FBXO41: variants seen among roughly 807,000 people sequenced by gnomAD.
FBXO41 encodes the protein F-box protein 41.
Under a neutral mutation model 81.6 loss-of-function variants are expected in FBXO41, and 33 were observed. The ratio of observed to expected loss-of-function variants is 0.40; its 90% CI spans 0.31 to 0.54. The LOEUF (loss-of-function observed/expected upper bound fraction) is 0.54, where lower values mean the gene tolerates loss of function less well. FBXO41 is among the 20% of genes least tolerant of loss of function. The probability of loss-of-function intolerance (pLI) is 0.39; values close to 1 mark genes in which losing one functional copy is unlikely to be tolerated. For missense variants in FBXO41, 1,107 were observed against 1,236.0 expected (o/e 0.90, Z 1.56); for synonymous variants, 576 against 552.7 (o/e 1.04, Z -0.59).
rs747052690 is a variant in FBXO41 at position 73,264,423 on chromosome 2, C to T, written c.1661G>A (p.Arg554Gln). The T allele has an allele frequency of 2.1e-5, 34 of 1,613,832 alleles. No homozygotes were observed. Among genetic ancestry groups the T allele is most frequent in the East Asian group, 1.3e-4 (6 of 44,904 alleles). ...EVISPEILKM[R>Q]AALFCIFTYL... The stretch of plus-strand genomic sequence containing the variant: ...GGTGAAGATGCAGAAGAGGGCAGCT[C>T]GCATCTTCAGGATCTCTGGGCTGAT... Residue 554 changes from arginine to glutamine, a missense_variant, in exon 6 of 13, where the codon CGA becomes CAA. Physicochemically the swap from Arg to Gln is conservative, Grantham distance 43. This residue lies in a region of FBXO41 where 336 missense variants were observed against 446.7 expected (regional missense o/e 0.75). Transcript: ENST00000520530.
Position 73,269,447 on chromosome 2 carries a change from AGGCAGC to A in FBXO41, c.178_183del (p.Ala60_Ala61del). 1 of 1,308,546 alleles carries A rather than the reference AGGCAGC, an allele frequency of 7.6e-7. No individual in the cohort carries two copies. Among genetic ancestry groups the A allele is most frequent in the Non-Finnish European group, 9.7e-7 (1 of 1,032,504 alleles). 81.1% of individuals were successfully genotyped at this position (1,308,546 alleles called of 1,614,324 possible). A position where few individuals can be genotyped will look rare whatever the true frequency, so the allele number is the denominator to read the frequency against. Reference sequence around the variant, plus strand: ...GGCTCGGGAGCCAGCGGGAACCCCGAGGCAGCGGCGGCGGCGGCCGCGGCGGCGGCG... The same window carrying A: ...GGCTCGGGAGCCAGCGGGAACCCCGAGGCGGCGGCGGCCGCGGCGGCGGCG... On this transcript the variant is annotated inframe_deletion, in exon 2 of 13. Coordinates refer to ENST00000520530, the MANE Select transcript of FBXO41 (RefSeq NM_001371389.2). The surrounding 1 kb of genome is among the most constrained non-coding windows in gnomAD (Gnocchi z 7.0).
In FBXO41 at chr2:73,259,121, C is replaced by T; in HGVS notation, c.2565+60G>A. 6.2e-7 allele frequency: 1 copy of T among 1,610,918 alleles called. No homozygotes were observed. ...CCTCCTGCCACACTCACCCAGGTCA[C>T]CAGCCCCAGTCTAGGGATGCCACTT... On this transcript the variant is annotated intron_variant, in intron 12 of 12. Transcript: ENST00000520530. This position sits in a 1 kb window ranked among gnomAD's most constrained non-coding sequence, Gnocchi z 4.2.
chr2:73,257,586 G>A lies in FBXO41; in HGVS notation c.*1396C>T, dbSNP rs1459151696. On this transcript the variant is annotated 3_prime_UTR_variant, in exon 13 of 13. Coordinates refer to ENST00000520530, the MANE Select transcript of FBXO41 (RefSeq NM_001371389.2). The surrounding 1 kb of genome is among the most constrained non-coding windows in gnomAD (Gnocchi z 4.6). ...TAGGAGAGAAAGAAACCCTAAGATA[G>A]ATCTAGTTTAGATGTTCGAAAGAAC... 1 of 152,264 alleles carries A rather than the reference G, an allele frequency of 6.6e-6. No individual in the cohort carries two copies. The highest frequency in any genetic ancestry group is 6.5e-5 in the Admixed American group (1 of 15,280). 9.4% of individuals were successfully genotyped at this position (152,264 alleles called of 1,614,324 possible). A position where few individuals can be genotyped will look rare whatever the true frequency, so the allele number is the denominator to read the frequency against.
rs1553384777 is a variant in FBXO41, at chr2:73,271,631, C to CCCCA, written c.-138-1867_-138-1864dup. 2.7e-5 allele frequency: 4 copies of CCCCA among 147,612 alleles called. No individual in the cohort carries two copies. In the East Asian group the frequency reaches 6.4e-4, roughly 24 times the overall value. The allele number at this position is 147,612 out of a possible 1,614,324, so 9.1% of individuals were successfully genotyped here. ...GCCAATCAATTCTGCACTCCCCCCC[C>CCCCA]CCCAACTTCTTTTTTTTGAGATGGA... On this transcript the variant is annotated intron_variant, in intron 1 of 12. Transcript: ENST00000520530.
Position 73,260,715 on chromosome 2 carries a change from C to T in FBXO41, c.2290+25G>A. The T allele has an allele frequency of 2.0e-6, 3 of 1,525,476 alleles. No individual in the cohort carries two copies. Among genetic ancestry groups the T allele is most frequent in the South Asian group, 1.2e-5 (1 of 81,048 alleles). The allele number at this position is 1,525,476 out of a possible 1,614,324, so 94.5% of individuals were successfully genotyped here. A position where few individuals can be genotyped will look rare whatever the true frequency, so the allele number is the denominator to read the frequency against. Reference sequence around the variant, plus strand: ...CCCATGCCTGCTTCCCACTACCCACCACCCCAGTCCAAGGAAAGACTCACC... The same window carrying T: ...CCCATGCCTGCTTCCCACTACCCACTACCCCAGTCCAAGGAAAGACTCACC... On this transcript the variant is annotated intron_variant, in intron 10 of 12. Transcript: ENST00000520530. The surrounding 1 kb of genome is among the most constrained non-coding windows in gnomAD (Gnocchi z 5.0).
chr2:73,271,181 G>T lies in FBXO41; in HGVS notation c.-138-1413C>A, dbSNP rs966044030. 10 of 332,994 alleles carry T rather than the reference G, an allele frequency of 3.0e-5. No homozygotes were observed. In the Admixed American group the frequency reaches 3.6e-4, roughly 12 times the overall value. 20.6% of individuals were successfully genotyped at this position (332,994 alleles called of 1,614,324 possible). On this transcript the variant is annotated intron_variant, in intron 1 of 12. Coordinates refer to ENST00000520530, the MANE Select transcript of FBXO41 (RefSeq NM_001371389.2). Reference sequence around the variant, plus strand: ...CCATCCTGACCTGCCGCATAGTTGTGTTGCCTTCTGGCATTTCCACAGGAT... The same window carrying T: ...CCATCCTGACCTGCCGCATAGTTGTTTTGCCTTCTGGCATTTCCACAGGAT...
chr2:73,262,906 C>T (rs140713639), intron 9 of FBXO41, among the ~76,000 whole-genome samples: 7,283 of 152,198 alleles, frequency 0.048, 241 homozygotes, highest in South Asian at 0.089. Context: ...CCACCACGCT[C>T]GGCTAATTTT....
At position 73,260,546 on chromosome 2, in the gene FBXO41, C is replaced by G; in HGVS notation, c.2292G>C (p.Ala764=). The part of the protein sequence containing the change: ...GCGVQGLASL[A]RNCMRLQVLE... ...GGACCTGCAGCCGCATGCAGTTTCT[C>G]GCTAGGAAGAGGAAGAAGGGGGATC... The change falls in exon 11 of 13, where the codon GCG becomes GCC. Residue 764 remains alanine, a splice_region_variant and synonymous_variant. Transcript: ENST00000520530. The surrounding 1 kb of genome is among the most constrained non-coding windows in gnomAD (Gnocchi z 5.0). The G allele has an allele frequency of 6.3e-7, 1 of 1,588,210 alleles. No individual in the cohort carries two copies. The highest frequency in any genetic ancestry group is 8.6e-7 in the Non-Finnish European group (1 of 1,167,584).
intron 9 of FBXO41, among the ~76,000 whole-genome samples, chr2:73,261,837 G>A (rs1222997467): frequency 6.6e-6 from 1 of 152,128 alleles, no homozygotes; most frequent in East Asian, 1.9e-4. Context: ...CATCTATTAT[G>A]CATTTGGTAC....
At chr2:73,262,084 A>G (rs895377031) in intron 9 of FBXO41, among the ~76,000 whole-genome samples, 8 of 152,132 alleles carry the variant, frequency 5.3e-5, no homozygotes, top group Admixed American at 4.6e-4. Flanking sequence ...TTAGCTGGGC[A>G]TGGTGGCCCA....
chr2:73,265,918 G>A lies in FBXO41; in HGVS notation c.1180C>T (p.Arg394Trp), dbSNP rs372703017. Residue 394 changes from arginine (R) to tryptophan (W), a missense_variant, in exon 4 of 13, where the codon CGG (arginine) becomes TGG (tryptophan). By Grantham distance (101) the Arg-to-Trp change is moderately radical (BLOSUM62 -3). Transcript: ENST00000520530. ...CCTGTGCTCGGAGAGGAGCCATGCC[G>A]TGACACTGCATATGTGTTAGGCACG... ...PAVPNTYAVS[R>W]HGSSPSTGAS... The A allele has an allele frequency of 2.4e-4, 382 of 1,587,640 alleles. No individual in the cohort carries two copies. The highest frequency in any genetic ancestry group is 4.8e-4 in the Admixed American group (27 of 56,326).
At chr2:73,263,531 G>A in intron 8 of FBXO41, 147 bp downstream of exon 8, 1 of 1,046,000 alleles carries the variant, frequency 9.6e-7, no homozygotes, top group South Asian at 1.7e-5. Context: ...GGTGGCCTCT[G>A]CTCTTGCCAA....
intron 1 of FBXO41, among the ~76,000 whole-genome samples, chr2:73,283,894 C>T (rs1170750181): frequency 2.0e-5 from 3 of 152,108 alleles, no homozygotes; most frequent in Admixed American, 6.5e-5. Flanking sequence ...CTGGAGCCCG[C>T]CCCCGCCCCA....
intron 1 of FBXO41, among the ~76,000 whole-genome samples, chr2:73,279,979 T>C (rs1688800404): frequency 6.6e-6 from 1 of 152,188 alleles, no homozygotes; most frequent in South Asian, 2.1e-4. Context: ...TATTTCAATG[T>C]TGGCGGCTCA....
intron 1 of FBXO41, among the ~76,000 whole-genome samples, chr2:73,279,955 G>T (rs1688799671): frequency 6.6e-6 from 1 of 152,090 alleles, no homozygotes; most frequent in Non-Finnish European, 1.5e-5. Context: ...ACAGGGAGAG[G>T]ATGAAAAGGG....
intron 1 of FBXO41, among the ~76,000 whole-genome samples, chr2:73,282,213 C>T (rs951263230): frequency 2.0e-5 from 3 of 152,064 alleles, no homozygotes; most frequent in African/African-American, 7.2e-5. Flanking sequence ...AGGCTGGTCT[C>T]GAACTCCTGA....
rs1341729357 is a variant in FBXO41 at position 73,258,723 on chromosome 2, C to T, written c.*259G>A. 1 of 457,322 alleles carries T rather than the reference C, an allele frequency of 2.2e-6. No individual in the cohort carries two copies. Among genetic ancestry groups the T allele is most frequent in the Non-Finnish European group, 3.9e-6 (1 of 259,228 alleles). The allele number at this position is 457,322 out of a possible 1,614,324, so 28.3% of individuals were successfully genotyped here. On this transcript the variant is annotated 3_prime_UTR_variant, in exon 13 of 13. Transcript: ENST00000520530. ...GGTGACAGCTCCTCACTGGCTGTGC[C>T]AGAGGCTACTCCAGCCGGGGTAGGG... is the stretch of plus-strand genomic sequence containing the variant.
chr2:73,283,538 C>A (rs550627365), intron 1 of FBXO41, among the ~76,000 whole-genome samples: 1 of 152,332 alleles, frequency 6.6e-6, no homozygotes, highest in South Asian at 2.1e-4. Flanking sequence ...ACACAGTACT[C>A]GCTGGCCGAC....
rs1323832649 is a variant in FBXO41, at chr2:73,265,292, G to C, written c.1554C>G (p.Cys518Trp). ...GPAMAGPLSS[C>W]RLSARPEGGS... ...CCTTCCGGGACCTACCTGAGAGCCG[G>C]CAGCTGCTCAATGGCCCAGCCATAG... Residue 518 changes from cysteine to tryptophan, a missense_variant, in exon 5 of 13, where the codon TGC becomes TGG. Coordinates refer to ENST00000520530, the MANE Select transcript of FBXO41 (RefSeq NM_001371389.2). 1 of 1,604,204 alleles carries C rather than the reference G, an allele frequency of 6.2e-7. No homozygotes were observed. The highest frequency in any genetic ancestry group is 8.5e-7 in the Non-Finnish European group (1 of 1,176,642).
Sources: gnomAD v4.1 joint callset for allele counts (sites outside exome capture counted in the v4.1 genomes callset) on GRCh38, gnomAD v4.1.1 for gene constraint, gnomAD v4.1.1 regional missense constraint, Gnocchi (gnomAD v3.1) non-coding constraint, MANE v1.5 for transcripts, NCBI Gene and HGNC (gene_info 2026-07-23, HGNC 2026-07-21) for gene names.